Variants in CCDC102A observed in about 807,000 individuals in gnomAD.
CCDC102A encodes the protein coiled-coil domain-containing protein 102A.
Under a neutral mutation model 55.5 loss-of-function variants are expected in CCDC102A, and 40 were observed. The ratio of observed to expected loss-of-function variants is 0.72; its 90% CI spans 0.56 to 0.94. The LOEUF is 0.94. Ranked by LOEUF, CCDC102A falls within the 40% of genes least tolerant of loss-of-function variation. The pLI is 0.00. For synonymous variants in CCDC102A, 323 were observed against 339.0 expected (o/e 0.95, Z 0.52); for missense variants, 779 against 768.6 (o/e 1.01, Z -0.16).
At chr16:57,533,905 G>A (rs2032322470) in intron 1 of CCDC102A, among the ~76,000 whole-genome samples, 1 of 152,162 alleles carries the variant, frequency 6.6e-6, no homozygotes, top group Non-Finnish European at 1.5e-5. Context: ...TATGTGCGTG[G>A]GGCGTGGCCT....
intron 1 of CCDC102A, among the ~76,000 whole-genome samples, chr16:57,536,045 C>T (rs901209955): frequency 3.3e-5 from 5 of 152,160 alleles, no homozygotes; most frequent in Non-Finnish European, 5.9e-5. Flanking sequence ...CGGCCCGCGC[C>T]GCGCGGTCCC....
At chr16:57,531,980 C>A (rs1178945316) in intron 1 of CCDC102A, among the ~76,000 whole-genome samples, 1 of 152,218 alleles carries the variant, frequency 6.6e-6, no homozygotes, top group Non-Finnish European at 1.5e-5. Context: ...CTGCATTTCT[C>A]TAGGCCATTT....
chr16:57,533,982 G>A (rs1209303732), intron 1 of CCDC102A, among the ~76,000 whole-genome samples: 7 of 152,190 alleles, frequency 4.6e-5, no homozygotes, highest in African/African-American at 1.4e-4. Context: ...CACAGGCCCC[G>A]GGGAGCCTTT....
chr16:57,526,042 C>A lies in CCDC102A; in HGVS notation c.671G>T (p.Gly224Val), dbSNP rs780252323. The A allele has an allele frequency of 6.3e-7, 1 of 1,593,982 alleles. No individual in the cohort carries two copies. Among genetic ancestry groups the A allele is most frequent in the South Asian group, 1.1e-5 (1 of 89,566 alleles). Residue 224 changes from glycine (G) to valine (V), a missense_variant, in exon 3 of 9, where the codon GGC becomes GTC. Coordinates refer to ENST00000258214, the MANE Select transcript of CCDC102A (RefSeq NM_033212.4). ...CWEARSLGAGGPRGSSGRQER... is the reference protein window; with the variant it reads ...CWEARSLGAGVPRGSSGRQER... ...CTGGCGGCCTGAGCTGCCCCGCGGG[C>A]CCCCAGCCCCCAGGCTGCGCGCCTC...
chr16:57,526,491 T>C (rs1479202293), intron 2 of CCDC102A, among the ~76,000 whole-genome samples: 9 of 152,176 alleles, frequency 5.9e-5, no homozygotes, highest in African/African-American at 2.2e-4. Flanking sequence ...CCAAAGGAAT[T>C]CTAGCTCTAA....
At chr16:57,515,128 T>C (rs1224816820) in intron 8 of CCDC102A, among the ~76,000 whole-genome samples, 1 of 151,984 alleles carries the variant, frequency 6.6e-6, no homozygotes, top group East Asian at 1.9e-4. Flanking sequence ...AGGAGACAAT[T>C]CCAGGGCCTG....
intron 3 of CCDC102A, among the ~76,000 whole-genome samples, chr16:57,524,215 C>G (rs61595675): frequency 0.041 from 6,222 of 151,962 alleles, 416 homozygotes; most frequent in African/African-American, 0.14. Context: ...GACAGCCCTT[C>G]GAGAAGAACA....
At chr16:57,528,093 C>A (rs1368214263) in intron 2 of CCDC102A, among the ~76,000 whole-genome samples, 1 of 152,214 alleles carries the variant, frequency 6.6e-6, no homozygotes, top group Admixed American at 6.5e-5. Flanking sequence ...AGCTGGTACT[C>A]CAGGTACGAG....
At chr16:57,512,949 G>T in intron 8 of CCDC102A, 79 bp from the exon 9 acceptor site, 1 of 1,302,500 alleles carries the variant, frequency 7.7e-7, no homozygotes, top group Non-Finnish European at 1.1e-6. Context: ...TGGTGCTGGA[G>T]CAGTTAAGCC....
At chr16:57,535,382 C>G (rs1453782435) in intron 1 of CCDC102A, among the ~76,000 whole-genome samples, 1 of 152,162 alleles carries the variant, frequency 6.6e-6, no homozygotes, top group Non-Finnish European at 1.5e-5. Context: ...TTGATTTGAA[C>G]TCCTTTCTTT....
At chr16:57,515,487 G>T (rs1437459025) in intron 7 of CCDC102A, 43 bp from the exon 8 acceptor site, 1 of 1,352,652 alleles carries the variant, frequency 7.4e-7, no homozygotes, top group Non-Finnish European at 1.0e-6. Context: ...GTCACCCAGG[G>T]CTGGGCAAGG....
Position 57,528,899 on chromosome 16 carries a change from G to T in CCDC102A, c.279C>A (p.Thr93=), listed in dbSNP as rs1366969460. The part of the protein sequence containing the change: ...ARARAAQMEK[T]MRRWSDCTAN... ...CAGTGCAGTCCGACCACCGGCGCAT[G>T]GTCTTCTCCATCTGCGCCGCCCGCG... The change falls in exon 2 of 9, where the codon ACC becomes ACA. Residue 93 remains threonine, a synonymous_variant. Transcript: ENST00000258214. 4.3e-6 allele frequency: 6 copies of T among 1,403,304 alleles called. 1 individual carries two copies. Among genetic ancestry groups the T allele is most frequent in the Middle Eastern group, 3.9e-4 (2 of 5,164 alleles). 86.9% of individuals were successfully genotyped at this position (1,403,304 alleles called of 1,614,324 possible). A position where few individuals can be genotyped will look rare whatever the true frequency, so the allele number is the denominator to read the frequency against.
At chr16:57,514,749 C>CAAT (rs1184478747) in intron 8 of CCDC102A, among the ~76,000 whole-genome samples, 1 of 152,190 alleles carries the variant, frequency 6.6e-6, no homozygotes, top group Non-Finnish European at 1.5e-5. Flanking sequence ...CGGCACAGGT[C>CAAT]AATGCTGTGG....
In CCDC102A at chr16:57,516,480, T is replaced by TTG; in HGVS notation, c.1249-18_1249-17insCA. The TTG allele has an allele frequency of 2.6e-6, 4 of 1,529,826 alleles. No individual in the cohort carries two copies. The highest frequency in any genetic ancestry group is 3.6e-6 in the Non-Finnish European group (4 of 1,113,668). The allele number at this position is 1,529,826 out of a possible 1,614,324, so 94.8% of individuals were successfully genotyped here. On this transcript the variant is annotated splice_polypyrimidine_tract_variant and intron_variant, in intron 6 of 8. Coordinates refer to ENST00000258214, the MANE Select transcript of CCDC102A (RefSeq NM_033212.4). The surrounding 1 kb of genome is among the most constrained non-coding windows in gnomAD (Gnocchi z 4.4). The stretch of plus-strand genomic sequence containing the variant: ...TGCCAGCTCCTACAGGGCACAGGGA[T>TTG]GGGGTGGGAGGGAGGAGGGAATCAG...
At chr16:57,530,486 G>A (rs1282196317) in intron 1 of CCDC102A, among the ~76,000 whole-genome samples, 1 of 152,126 alleles carries the variant, frequency 6.6e-6, no homozygotes, top group African/African-American at 2.4e-5. Context: ...GTGTACTGTC[G>A]GTGGGACTCG....
intron 3 of CCDC102A, among the ~76,000 whole-genome samples, chr16:57,522,247 T>C (rs2032064966): frequency 1.3e-5 from 2 of 152,364 alleles, no homozygotes; most frequent in Non-Finnish European, 2.9e-5. Flanking sequence ...TCTTTGTTTT[T>C]AGAGAGAGGA....
At chr16:57,520,039 A>T (rs1298035746) in intron 4 of CCDC102A, among the ~76,000 whole-genome samples, 1 of 152,154 alleles carries the variant, frequency 6.6e-6, no homozygotes, top group African/African-American at 2.4e-5. Context: ...CTGGAGCCTC[A>T]GTTTCCCTAT....
rs2032113736 is a variant in CCDC102A, at chr16:57,525,080, TTTA to T, written c.812+818_812+820del. ...GCCCTTGTCCACGCTCATCGTTTTA[TTTA>T]TTTATTTATTTATTTATTTATTTAT... is the stretch of plus-strand genomic sequence containing the variant. On this transcript the variant is annotated intron_variant, in intron 3 of 8. Coordinates refer to ENST00000258214, the MANE Select transcript of CCDC102A (RefSeq NM_033212.4). Among the ~76,000 whole-genome samples the T allele has an allele frequency of 8.1e-3, 360 of 44,464 alleles. 2 individuals are homozygous for T. In the African/African-American group the frequency reaches 0.13, roughly 16 times the overall value. 29.2% of individuals were successfully genotyped at this position (44,464 alleles called of 152,430 possible). A position where few individuals can be genotyped will look rare whatever the true frequency, so the allele number is the denominator to read the frequency against.
intron 3 of CCDC102A, among the ~76,000 whole-genome samples, chr16:57,525,407 A>C (rs746292156): frequency 2.0e-5 from 3 of 152,074 alleles, no homozygotes; most frequent in Admixed American, 6.6e-5. Flanking sequence ...GGCCCAGCTC[A>C]TGGCTTTCAA....
Sources: allele counts gnomAD v4.1 joint callset (sites outside exome capture counted in the v4.1 genomes callset), GRCh38; gene constraint gnomAD v4.1.1; non-coding constraint Gnocchi (gnomAD v3.1); transcripts MANE v1.5; gene names NCBI Gene and HGNC (gene_info 2026-07-23, HGNC 2026-07-21).